Variants in B3GALT2 observed in about 807,000 individuals in gnomAD.
B3GALT2 encodes beta-1,3-galactosyltransferase 2, also known as UDP-Gal:betaGlcNAc beta 1,3-galactosyltransferase, polypeptide 2.
A neutral mutation model predicts 33.5 loss-of-function variants in B3GALT2; 13 were observed. That is an observed-to-expected ratio of 0.39 (90% confidence interval 0.25 to 0.62). The LOEUF (loss-of-function observed/expected upper bound fraction) is 0.62. Among genes scored for constraint, B3GALT2 ranks in the 20% least tolerant of loss-of-function variants. B3GALT2 has a pLI of 0.53. For missense variants in B3GALT2, 418 were observed against 509.1 expected (o/e 0.82, Z 1.72); for synonymous variants, 195 against 172.7 (o/e 1.13, Z -1.01).
intron 1 of B3GALT2, among the ~76,000 whole-genome samples, chr1:193,185,767 ATCT>A (rs746205025): frequency 8.5e-5 from 13 of 152,138 alleles, no homozygotes; most frequent in East Asian, 1.9e-4. Flanking sequence ...CTTTAAACAC[ATCT>A]TCTTCTTATT....
At chr1:193,185,229 A>C (rs184102888) in intron 1 of B3GALT2, among the ~76,000 whole-genome samples, 12 of 152,192 alleles carry the variant, frequency 7.9e-5, no homozygotes, top group African/African-American at 2.6e-4. Flanking sequence ...GACAACGTTA[A>C]ATTTGATCAT....
chr1:193,181,015 A>G lies in B3GALT2; in HGVS notation c.548T>C (p.Ile183Thr), dbSNP rs866111890. The change falls in exon 2 of 2, where the codon ATT becomes ACT. Residue 183 changes from isoleucine to threonine, a missense_variant. Transcript: ENST00000367434. ...CAACAAAAATATTCTTGTGATTTGA[A>G]TACCAGGTGCTAGACTTTCATTGCC... ...TWGNESLAPG[I>T]QITRIFLLGL... is the part of the protein sequence containing the mutation. The G allele has an allele frequency of 6.2e-7, 1 of 1,613,720 alleles. No individual in the cohort carries two copies.
chr1:193,182,378 C>T lies in B3GALT2; in HGVS notation c.-120-696G>A, dbSNP rs555561818. Reference sequence around the variant, plus strand: ...ATGAAGTATTCATGATATAATTGTTCTTAGACTTAAGATTAATTTTAAAAT... The same window carrying T: ...ATGAAGTATTCATGATATAATTGTTTTTAGACTTAAGATTAATTTTAAAAT... On this transcript the variant is annotated intron_variant, in intron 1 of 1. Transcript: ENST00000367434. Among the ~76,000 whole-genome samples the T allele has an allele frequency of 5.3e-5, 8 of 152,084 alleles. No individual in the cohort carries two copies. In the South Asian group the frequency reaches 1.2e-3, roughly 24 times the overall value.
At chr1:193,182,689 G>T (rs758167512) in intron 1 of B3GALT2, among the ~76,000 whole-genome samples, 18 of 152,118 alleles carry the variant, frequency 1.2e-4, no homozygotes, top group African/African-American at 1.7e-4. Context: ...CATATATTAA[G>T]AACTGGTTAT....
In B3GALT2 at chr1:193,186,259, TC is replaced by T. The variant is rs1676804554; in HGVS notation, c.-362del. On this transcript the variant is annotated 5_prime_UTR_variant, in exon 1 of 2. Transcript: ENST00000367434. Reference sequence around the variant, plus strand: ...TTCCCTTTCTTTCATTTTCTCTCTTTCGTTAAACAAAAGAGCTGTAGTTGCC... The same window carrying T: ...TTCCCTTTCTTTCATTTTCTCTCTTTGTTAAACAAAAGAGCTGTAGTTGCC... 1 of 152,458 alleles carries T rather than the reference TC, an allele frequency of 6.6e-6. No individual in the cohort carries two copies. The highest frequency in any genetic ancestry group is 6.6e-5 in the Admixed American group (1 of 15,252). The allele number at this position is 152,458 out of a possible 1,614,324, so 9.4% of individuals were successfully genotyped here. A position where few individuals can be genotyped will look rare whatever the true frequency, so the allele number is the denominator to read the frequency against.
In B3GALT2 at chr1:193,180,706, T is replaced by C; in HGVS notation, c.857A>G (p.Tyr286Cys). The C allele has an allele frequency of 6.2e-7, 1 of 1,614,118 alleles. No homozygotes were observed. Among genetic ancestry groups the C allele is most frequent in the Non-Finnish European group, 8.5e-7 (1 of 1,179,970 alleles). Residue 286 changes from tyrosine to cysteine, a missense_variant, in exon 2 of 2, where the codon TAT (tyrosine) becomes TGT (cysteine). Transcript: ENST00000367434. ...GCTATCTTTGTTTCGATTGGGTGCA[T>C]ATCCTCGCATTAGGTAACCAGTGAA... ...NYFTGYLMRGYAPNRNKDSKW... is the reference protein window; with the variant it reads ...NYFTGYLMRGCAPNRNKDSKW...
At chr1:193,183,325 T>C (rs565981276) in intron 1 of B3GALT2, among the ~76,000 whole-genome samples, 2 of 138,992 alleles carry the variant, frequency 1.4e-5, no homozygotes, top group South Asian at 5.2e-4. Context: ...AGAGTACTTT[T>C]AGAAGTTATA....
At chr1:193,184,889 G>A (rs1257354559) in intron 1 of B3GALT2, among the ~76,000 whole-genome samples, 4 of 151,886 alleles carry the variant, frequency 2.6e-5, no homozygotes, top group Non-Finnish European at 4.4e-5. Flanking sequence ...TTTGCCTTTT[G>A]TGATTATTAG....
intron 1 of B3GALT2, among the ~76,000 whole-genome samples, chr1:193,184,719 G>A (rs189097202): frequency 1.0e-3 from 152 of 151,976 alleles, no homozygotes; most frequent in African/African-American, 3.4e-3. Context: ...TACCAAGAGG[G>A]ACTTGAAATT....
Position 193,181,317 on chromosome 1 carries a change from A to G in B3GALT2, c.246T>C (p.Ile82=), listed in dbSNP as rs1676711669. ...GGGTTTGAGGGACTGTTTCTTTCCA[A>G]ATGTTCCGAAGGGAGCTGTGGTTTG... is the stretch of plus-strand genomic sequence containing the variant. ...SETNHSSLRN[I]WKETVPQTLR... is the part of the protein sequence containing the mutation. Residue 82 remains isoleucine, a synonymous_variant, in exon 2 of 2, where the codon ATT becomes ATC. Transcript: ENST00000367434. 4 of 1,614,040 alleles carry G rather than the reference A, an allele frequency of 2.5e-6. No individual in the cohort carries two copies. Among genetic ancestry groups the G allele is most frequent in the Admixed American group, 1.7e-5 (1 of 60,006 alleles).
At position 193,181,396 on chromosome 1, in the gene B3GALT2, T is replaced by C. The variant is rs769161946; in HGVS notation, c.167A>G (p.Lys56Arg). Residue 56 changes from lysine to arginine, a missense_variant, in exon 2 of 2, where the codon AAA becomes AGA. By Grantham distance (26) the Lys-to-Arg change is conservative. Around this residue, in one of 3 missense-constraint regions of B3GALT2, gnomAD observed 188 missense variants for 197.5 expected, o/e 0.95. Coordinates refer to ENST00000367434, the MANE Select transcript of B3GALT2 (RefSeq NM_003783.3). ...HDWLPGRAGF[K>R]ENPVTYTFRG... The stretch of plus-strand genomic sequence containing the variant: ...GAAAGTGTATGTCACAGGGTTTTCT[T>C]TGAATCCAGCTCTGCCTGGCAGCCA... The C allele has an allele frequency of 6.2e-7, 1 of 1,614,050 alleles. No homozygotes were observed. Among genetic ancestry groups the C allele is most frequent in the Admixed American group, 1.7e-5 (1 of 60,012 alleles).
At chr1:193,182,726 C>T (rs997358745) in intron 1 of B3GALT2, among the ~76,000 whole-genome samples, 24 of 152,078 alleles carry the variant, frequency 1.6e-4, no homozygotes, top group African/African-American at 5.8e-4. Flanking sequence ...GTTTTCAGTG[C>T]ATAGCACAGA....
intron 1 of B3GALT2, among the ~76,000 whole-genome samples, chr1:193,183,188 G>A (rs963081370): frequency 1.3e-5 from 2 of 151,572 alleles, no homozygotes; most frequent in African/African-American, 4.8e-5. Flanking sequence ...AGTGTTAGAT[G>A]TAAATGAATG....
intron 1 of B3GALT2, among the ~76,000 whole-genome samples, chr1:193,184,916 G>A (rs1676779070): frequency 6.6e-6 from 1 of 151,926 alleles, no homozygotes; most frequent in Admixed American, 6.6e-5. Context: ...ACTGAGTTGT[G>A]TTGTGAAATT....
chr1:193,181,481 T>A lies in B3GALT2; in HGVS notation c.82A>T (p.Ile28Phe), dbSNP rs767071802. 4 of 1,613,850 alleles carry A rather than the reference T, an allele frequency of 2.5e-6. No individual in the cohort carries two copies. Among genetic ancestry groups the A allele is most frequent in the Non-Finnish European group, 3.4e-6 (4 of 1,179,910 alleles). The change falls in exon 2 of 2, where the codon ATT becomes TTT. Residue 28 changes from isoleucine to phenylalanine, a missense_variant. Ile to Phe is a conservative substitution (Grantham distance 21). Transcript: ENST00000367434. ...AGAAACACTAGAGAAAGTACTCCAA[T>A]AAGATGAGTGCGGAACAGAGACCTT... is the stretch of plus-strand genomic sequence containing the variant. ...AKRSLFRTHL[I>F]GVLSLVFLFA...
At chr1:193,182,157 G>A (rs763758811) in intron 1 of B3GALT2, among the ~76,000 whole-genome samples, 7 of 152,110 alleles carry the variant, frequency 4.6e-5, no homozygotes, top group African/African-American at 7.2e-5. Flanking sequence ...GACGGTGCAA[G>A]GTTGATTATG....
At chr1:193,184,245 T>G (rs1186883099) in intron 1 of B3GALT2, among the ~76,000 whole-genome samples, 1 of 151,882 alleles carries the variant, frequency 6.6e-6, no homozygotes, top group Non-Finnish European at 1.5e-5. Context: ...CTTTAAAAAA[T>G]TCCTTATTAA....
intron 1 of B3GALT2, among the ~76,000 whole-genome samples, chr1:193,185,291 T>C (rs1169548311): frequency 6.6e-6 from 1 of 152,122 alleles, no homozygotes; most frequent in Non-Finnish European, 1.5e-5. Flanking sequence ...AGTTAATTTT[T>C]AAAGCCACTA....
At chr1:193,182,032 A>G (rs1035074144) in intron 1 of B3GALT2, among the ~76,000 whole-genome samples, 1 of 152,192 alleles carries the variant, frequency 6.6e-6, no homozygotes, top group African/African-American at 2.4e-5. Context: ...AAACGCCTTA[A>G]GAGCAGATGG....
Sources: gnomAD v4.1 joint callset for allele counts (sites outside exome capture counted in the v4.1 genomes callset) on GRCh38, gnomAD v4.1.1 for gene constraint, gnomAD v4.1.1 regional missense constraint, MANE v1.5 for transcripts, NCBI Gene and HGNC (gene_info 2026-07-23, HGNC 2026-07-21) for gene names.